BANP: variants seen among roughly 807,000 people sequenced by gnomAD.
The protein encoded by BANP is BTG3 associated nuclear protein, also known as protein BANP.
BANP carries 11 observed loss-of-function variants against 68.1 expected under a neutral mutation model. That is an observed-to-expected ratio of 0.16 (90% CI 0.10 to 0.27). BANP has a LOEUF of 0.27. BANP is among the 10% of genes least tolerant of loss of function. The pLI is 1.00. For synonymous variants in BANP, 329 were observed against 303.2 expected, an observed-to-expected ratio of 1.09 and a Z score of -0.88; for missense variants, 504 against 722.7, an observed-to-expected ratio of 0.70 and a Z score of 3.47.
intron 1 of BANP, among the ~76,000 whole-genome samples, chr16:87,951,763 C>G (rs1251972370): frequency 6.6e-6 from 1 of 151,772 alleles, no homozygotes; most frequent in Non-Finnish European, 1.5e-5. Context: ...CGCCCGGCGT[C>G]CGTTGAGCCG....
intron 4 of BANP, among the ~76,000 whole-genome samples, chr16:87,986,510 A>C (rs2064461244): frequency 6.6e-6 from 1 of 152,206 alleles, no homozygotes; most frequent in South Asian, 2.1e-4. Flanking sequence ...TTGCCCTGAC[A>C]GACACTGAGG....
chr16:88,045,061 A>G (rs376362690), intron 11 of BANP, among the ~76,000 whole-genome samples: 1 of 152,280 alleles, frequency 6.6e-6, no homozygotes, highest in East Asian at 1.9e-4. Context: ...AAATCAAAAG[A>G]TAATTGTTCT....
chr16:88,008,460 T>TA (rs1259257266), intron 6 of BANP, among the ~76,000 whole-genome samples: 1 of 152,226 alleles, frequency 6.6e-6, no homozygotes, highest in Admixed American at 6.5e-5. Flanking sequence ...GGATTTTGTA[T>TA]AAATCCCCAC....
chr16:88,024,134 G>T (rs941662888), intron 7 of BANP, among the ~76,000 whole-genome samples: 19 of 152,206 alleles, frequency 1.2e-4, no homozygotes, highest in African/African-American at 4.6e-4. Context: ...GCCTTGGGCT[G>T]AGGGAGCTCA....
intron 11 of BANP, among the ~76,000 whole-genome samples, chr16:88,040,856 C>T (rs1445156535): frequency 6.6e-6 from 1 of 152,234 alleles, no homozygotes; most frequent in Non-Finnish European, 1.5e-5. Flanking sequence ...GAAATGGACG[C>T]GGCTGTTTTA....
Position 88,034,181 on chromosome 16 carries a change from C to T in BANP, c.1200+936C>T, listed in dbSNP as rs575172632. The stretch of plus-strand genomic sequence containing the variant: ...TTTTAGAGGGGGCGTTACCCTTCCT[C>T]TTCCAAAGGAGATGAGACAGTTATG... On this transcript the variant is annotated intron_variant, in intron 9 of 13. Transcript: ENST00000682872. Among the ~76,000 whole-genome samples, 9 of 152,322 alleles carry T rather than the reference C, an allele frequency of 5.9e-5. No individual in the cohort carries two copies. The East Asian group carries it at 1.3e-3, about 23-fold the overall frequency.
intron 11 of BANP, among the ~76,000 whole-genome samples, chr16:88,042,542 A>T (rs2081083347): frequency 6.6e-6 from 1 of 152,180 alleles, no homozygotes; most frequent in African/African-American, 2.4e-5. Flanking sequence ...GTCGTGCCCC[A>T]CTGTTCCAGC....
chr16:88,030,027 C>G lies in BANP; in HGVS notation c.1063+2377C>G, dbSNP rs557333076. The stretch of plus-strand genomic sequence containing the variant: ...CCCACTGGCCGGAGTCCTCAGTGAT[C>G]AGTCGCTGCACTAGCAGGCCATGCC... On this transcript the variant is annotated intron_variant, in intron 8 of 13. Transcript: ENST00000682872. Among the ~76,000 whole-genome samples, 5 of 152,184 alleles carry G rather than the reference C, an allele frequency of 3.3e-5. No individual in the cohort carries two copies. In the East Asian group the frequency reaches 9.9e-4, roughly 30 times the overall value.
At chr16:88,073,537 G>A (rs897657202) in intron 13 of BANP, among the ~76,000 whole-genome samples, 1 of 147,924 alleles carries the variant, frequency 6.8e-6, no homozygotes, top group African/African-American at 2.4e-5. Flanking sequence ...GGCGCAGAAC[G>A]CACAGGCAGT....
chr16:87,953,211 A>G (rs920605867), intron 1 of BANP, among the ~76,000 whole-genome samples: 1 of 152,006 alleles, frequency 6.6e-6, no homozygotes, highest in Non-Finnish European at 1.5e-5. Flanking sequence ...AAGCCCATAT[A>G]TTTAGTATTT....
chr16:87,982,483 C>G (rs1475662762), intron 3 of BANP: 1 of 152,240 alleles, frequency 6.6e-6, no homozygotes, highest in African/African-American at 2.4e-5. Context: ...AGTGGCCATT[C>G]AGGGATTCAG....
In BANP at chr16:88,047,298, T is replaced by C. The variant is rs754676826; in HGVS notation, c.1311+9287T>C. 2.1e-4 allele frequency among the ~76,000 whole-genome samples: 32 copies of C among 152,282 alleles called. 1 individual carries two copies. Among genetic ancestry groups the C allele is most frequent in the Middle Eastern group, 3.4e-3 (1 of 294 alleles). On this transcript the variant is annotated intron_variant, in intron 11 of 13. Coordinates refer to ENST00000682872, the MANE Select transcript of BANP (RefSeq NM_001386991.1). ...CACCAGGGTGGGGAAGGGCCAAGAA[T>C]GCTTGCCCCAGTTCCTTGGCGAAAA... is the stretch of plus-strand genomic sequence containing the variant.
At chr16:87,992,830 G>C (rs1224142687) in intron 4 of BANP, among the ~76,000 whole-genome samples, 1 of 151,882 alleles carries the variant, frequency 6.6e-6, no homozygotes, top group Non-Finnish European at 1.5e-5. Flanking sequence ...AATTTCTTGA[G>C]TTAGTGTTGT....
chr16:87,997,427 T>C (rs2067570999), intron 4 of BANP, among the ~76,000 whole-genome samples: 1 of 152,286 alleles, frequency 6.6e-6, no homozygotes, highest in South Asian at 2.1e-4. Context: ...CACCAATAAA[T>C]GGTGAGACCT....
At chr16:88,034,625 T>C (rs1358422104) in intron 9 of BANP, among the ~76,000 whole-genome samples, 1 of 152,064 alleles carries the variant, frequency 6.6e-6, no homozygotes, top group African/African-American at 2.4e-5. Flanking sequence ...AGCCTCCCAG[T>C]ATCCCCAGAG....
chr16:88,076,718 C>T lies in BANP; in HGVS notation c.*57C>T, dbSNP rs1222608147. On this transcript the variant is annotated 3_prime_UTR_variant, in exon 14 of 14. Transcript: ENST00000682872. ...GGCTCCGCCTACGGCCCGGCCCCCA[C>T]GCGCCCTGCTCTCACGGCCTCGGCA... 9 of 1,465,742 alleles carry T rather than the reference C, an allele frequency of 6.1e-6. No homozygotes were observed. The African/African-American group carries it at 7.0e-5, about 11-fold the overall frequency. 90.8% of individuals were successfully genotyped at this position (1,465,742 alleles called of 1,614,324 possible).
intron 4 of BANP, among the ~76,000 whole-genome samples, chr16:87,985,243 G>A (rs977725744): frequency 1.3e-5 from 2 of 152,186 alleles, no homozygotes; most frequent in Non-Finnish European, 2.9e-5. Context: ...TGAACTCTCG[G>A]GCATGCCGGG....
At chr16:88,010,869 CACCTCGCAGTGCACGGA>C (rs1161277623) in intron 6 of BANP, among the ~76,000 whole-genome samples, 8 of 140,564 alleles carry the variant, frequency 5.7e-5, no homozygotes, top group Admixed American at 1.4e-4. Flanking sequence ...CCGATTCACA[CACCTCGCAGTGCACGGA>C]ATGCCATTCG....
At chr16:88,010,746 G>A (rs575281186) in intron 6 of BANP, among the ~76,000 whole-genome samples, 144 of 151,564 alleles carry the variant, frequency 9.5e-4, no homozygotes, top group South Asian at 1.9e-3. Context: ...AGCTATGCAC[G>A]TGGAAAGGAG....
Sources: allele counts gnomAD v4.1 joint callset (sites outside exome capture counted in the v4.1 genomes callset), GRCh38; gene constraint gnomAD v4.1.1; transcripts MANE v1.5; gene names NCBI Gene and HGNC (gene_info 2026-07-23, HGNC 2026-07-21).